Variants in APP observed in about 807,000 individuals in gnomAD.
APP encodes amyloid-beta precursor protein.
Under a neutral mutation model 101.4 loss-of-function variants are expected in APP, and 31 were observed. That is an observed-to-expected ratio of 0.31 (90% CI 0.23 to 0.41). The LOEUF is 0.41. APP is among the 10% of genes least tolerant of loss of function. The pLI, the probability that APP is intolerant of heterozygous loss-of-function variation, is 1.00. For missense variants in APP, 839 were observed against 1,003.7 expected (o/e 0.84, Z 2.22); for synonymous variants, 366 against 364.4 (o/e 1.00, Z -0.05).
At chr21:26,078,265 A>G (rs568553811) in intron 3 of APP, among the ~76,000 whole-genome samples, 1 of 152,270 alleles carries the variant, frequency 6.6e-6, no homozygotes, top group East Asian at 1.9e-4. Flanking sequence ...TTTTATGGGT[A>G]TTATCTGGAA....
At chr21:26,129,077 G>A (rs2062740317) in intron 1 of APP, among the ~76,000 whole-genome samples, 1 of 152,108 alleles carries the variant, frequency 6.6e-6, no homozygotes, top group Admixed American at 6.5e-5. Context: ...ATGAAGGAGT[G>A]TTTCCAAAGG....
chr21:26,002,262 T>G (rs1256964604), intron 6 of APP, among the ~76,000 whole-genome samples: 1 of 152,266 alleles, frequency 6.6e-6, no homozygotes, highest in African/African-American at 2.4e-5. Flanking sequence ...TGACTGTCCC[T>G]CCTGTTGACA....
intron 16 of APP, among the ~76,000 whole-genome samples, chr21:25,897,304 T>C (rs142566765): frequency 5.1e-4 from 77 of 152,194 alleles, no homozygotes; most frequent in African/African-American, 1.6e-3. Context: ...TTAGTAGAGA[T>C]GGGGTTTCAC....
intron 1 of APP, chr21:26,158,271 A>G (rs1277675518): frequency 6.6e-6 from 1 of 152,234 alleles, no homozygotes; most frequent in Non-Finnish European, 1.5e-5. Flanking sequence ...AGAGAAGGTA[A>G]GCAAATCCCA....
At chr21:26,040,961 A>G (rs767777491) in intron 5 of APP, among the ~76,000 whole-genome samples, 29 of 152,240 alleles carry the variant, frequency 1.9e-4, no homozygotes, top group Non-Finnish European at 3.8e-4. Context: ...CTAGTAAACT[A>G]AAAGTGTTAC....
At chr21:26,122,110 C>T (rs184823755) in intron 1 of APP, among the ~76,000 whole-genome samples, 5 of 152,314 alleles carry the variant, frequency 3.3e-5, no homozygotes, top group Admixed American at 1.3e-4. Context: ...TATCCTTTGT[C>T]AGCCCAGAAA....
intron 3 of APP, among the ~76,000 whole-genome samples, chr21:26,074,517 G>A (rs182208194): frequency 1.1e-4 from 16 of 152,288 alleles, no homozygotes; most frequent in Admixed American, 9.2e-4. Context: ...GCACTAGGCC[G>A]AGGCGGGCAG....
intron 13 of APP, among the ~76,000 whole-genome samples, chr21:25,930,326 A>T (rs2040087485): frequency 6.6e-6 from 1 of 152,212 alleles, no homozygotes; most frequent in Non-Finnish European, 1.5e-5. Flanking sequence ...ATGAATTGGG[A>T]AACAGTGCCC....
In APP at chr21:25,911,809, C is replaced by T; in HGVS notation, c.1841G>A (p.Ser614Asn). Reference sequence around the variant, plus strand: ...ATGCCACGGCTGGAGATCGTCCAGGCTGAACTCTCCATTCACGGGAAGGAG... The same window carrying T: ...ATGCCACGGCTGGAGATCGTCCAGGTTGAACTCTCCATTCACGGGAAGGAG... ...VELLPVNGEF[S>N]LDDLQPWHSF... is the part of the protein sequence containing the mutation. Residue 614 changes from serine (S) to asparagine (N), a missense_variant, in exon 14 of 18, where the codon AGC becomes AAC. Transcript: ENST00000346798. 1.2e-6 allele frequency: 2 copies of T among 1,614,144 alleles called. No homozygotes were observed. The highest frequency in any genetic ancestry group is 4.5e-5 in the East Asian group (2 of 44,864).
intron 1 of APP, among the ~76,000 whole-genome samples, chr21:26,164,688 T>C (rs2063568554): frequency 6.6e-6 from 1 of 152,056 alleles, no homozygotes; most frequent in African/African-American, 2.4e-5. Flanking sequence ...ACCCCATCTC[T>C]ACTTAAAAAA....
chr21:25,992,988 C>T (rs1208851864), intron 8 of APP, among the ~76,000 whole-genome samples: 1 of 152,212 alleles, frequency 6.6e-6, no homozygotes, highest in African/African-American at 2.4e-5. Flanking sequence ...CCTAGGCATT[C>T]AGACTTCTGT....
chr21:26,005,337 C>T (rs1261665760), intron 6 of APP, among the ~76,000 whole-genome samples: 2 of 152,156 alleles, frequency 1.3e-5, no homozygotes, highest in Non-Finnish European at 2.9e-5. Context: ...TCACTTGAAC[C>T]TGGGAAGCGT....
chr21:26,092,851 C>T (rs546089860), intron 2 of APP, among the ~76,000 whole-genome samples: 5 of 152,138 alleles, frequency 3.3e-5, no homozygotes, highest in South Asian at 4.1e-4. Flanking sequence ...TCTAAAAAAC[C>T]GTCTATTTTA....
chr21:25,890,179 C>T (rs989804502), intron 17 of APP, among the ~76,000 whole-genome samples: 2 of 152,168 alleles, frequency 1.3e-5, no homozygotes, highest in African/African-American at 2.4e-5. Flanking sequence ...CTGCTGCCTG[C>T]TGTTCTCTTG....
chr21:26,000,452 T>C (rs1179828167), intron 6 of APP, among the ~76,000 whole-genome samples: 1 of 152,202 alleles, frequency 6.6e-6, no homozygotes, highest in African/African-American at 2.4e-5. Context: ...ATCATTTGGC[T>C]GCTTTTAGAT....
intron 5 of APP, among the ~76,000 whole-genome samples, chr21:26,047,372 G>A (rs2045653712): frequency 1.3e-5 from 2 of 152,144 alleles, no homozygotes; most frequent in Non-Finnish European, 2.9e-5. Flanking sequence ...TTTAAGTCAG[G>A]TACGTTAAAC....
intron 9 of APP, 36 bp downstream of exon 9, chr21:25,982,308 T>C (rs1442483086): frequency 6.2e-7 from 1 of 1,612,140 alleles, no homozygotes; most frequent in South Asian, 1.1e-5. Flanking sequence ...GGTTTCCCAA[T>C]ATCGTAGGGC....
chr21:25,983,108 T>C (rs1244961404), intron 8 of APP, among the ~76,000 whole-genome samples: 2 of 152,234 alleles, frequency 1.3e-5, no homozygotes, highest in Non-Finnish European at 2.9e-5. Context: ...ATTATGCTAG[T>C]TGTCAAAAAG....
intron 13 of APP, among the ~76,000 whole-genome samples, chr21:25,948,114 C>T (rs1479542651): frequency 1.3e-5 from 2 of 150,574 alleles, no homozygotes; most frequent in African/African-American, 2.4e-5. Context: ...AAAGTCACAC[C>T]TATGTTCTTA....
Sources: gnomAD v4.1 joint callset for allele counts (sites outside exome capture counted in the v4.1 genomes callset) on GRCh38, gnomAD v4.1.1 for gene constraint, MANE v1.5 for transcripts, NCBI Gene and HGNC (gene_info 2026-07-23, HGNC 2026-07-21) for gene names.